Variants in AGGF1 observed in about 807,000 individuals in gnomAD.
AGGF1 encodes angiogenic factor with G patch and FHA domains 1.
Under a neutral mutation model 86.5 loss-of-function variants are expected in AGGF1, and 56 were observed. That is an observed-to-expected ratio of 0.65 (90% CI 0.52 to 0.81). The LOEUF (loss-of-function observed/expected upper bound fraction) is 0.81. Ranked by LOEUF, AGGF1 falls within the 30% of genes least tolerant of loss-of-function variation. The probability of loss-of-function intolerance (pLI) is 0.00; values close to 1 mark genes in which losing one functional copy is unlikely to be tolerated. For synonymous variants in AGGF1, 313 were observed against 297.1 expected, an observed-to-expected ratio of 1.05 and a Z score of -0.55; for missense variants, 816 against 850.9, an observed-to-expected ratio of 0.96 and a Z score of 0.51.
intron 5 of AGGF1, among the ~76,000 whole-genome samples, chr5:77,043,588 C>CA (rs1554046445): frequency 4.1e-4 from 2 of 4,876 alleles, no homozygotes; most frequent in East Asian, 1.7e-3. Flanking sequence ...GGGGGGCTGA[C>CA]CCCCCCCCCC....
rs1401988826 is a variant in AGGF1, at chr5:77,064,253, C to T, written c.*1001C>T. ...CTTTCTGGGCACAGGTGTCACTGCT[C>T]TGCCACCTATCACTATTCTTTTTCT... On this transcript the variant is annotated 3_prime_UTR_variant, in exon 14 of 14. Transcript: ENST00000312916. 1 of 152,482 alleles carries T rather than the reference C, an allele frequency of 6.6e-6. No individual in the cohort carries two copies. The highest frequency in any genetic ancestry group is 1.5e-5 in the Non-Finnish European group (1 of 68,046). The allele number at this position is 152,482 out of a possible 1,614,324, so 9.4% of individuals were successfully genotyped here. A position where few individuals can be genotyped will look rare whatever the true frequency, so the allele number is the denominator to read the frequency against.
chr5:77,054,746 T>C (rs1353445213), intron 10 of AGGF1, among the ~76,000 whole-genome samples: 1 of 152,164 alleles, frequency 6.6e-6, no homozygotes, highest in Non-Finnish European at 1.5e-5. Flanking sequence ...ATGACTTAAG[T>C]AATAATTTAA....
chr5:77,061,222 C>T, intron 12 of AGGF1, among the ~76,000 whole-genome samples: 1 of 152,182 alleles, frequency 6.6e-6, no homozygotes, highest in East Asian at 1.9e-4. Flanking sequence ...CTGTGCCCCA[C>T]CTAATCACTG....
intron 8 of AGGF1, among the ~76,000 whole-genome samples, chr5:77,049,548 C>CTTTTTT (rs759329284): frequency 7.7e-6 from 1 of 130,642 alleles, no homozygotes; most frequent in African/African-American, 2.8e-5. Flanking sequence ...TATATTTTTA[C>CTTTTTT]TTTTTTTTTT....
intron 11 of AGGF1, among the ~76,000 whole-genome samples, chr5:77,058,126 G>A (rs1747491065): frequency 6.6e-6 from 1 of 152,116 alleles, no homozygotes; most frequent in African/African-American, 2.4e-5. Context: ...CTTGCTTATG[G>A]TGATAGTTTC....
chr5:77,061,940 T>G, intron 13 of AGGF1, 138 bp downstream of exon 13: 1 of 778,134 alleles, frequency 1.3e-6, no homozygotes, highest in Non-Finnish European at 2.2e-6. Flanking sequence ...TTTGTGGCAT[T>G]CACAATTACC....
chr5:77,062,129 T>G (rs1043216435), intron 13 of AGGF1, among the ~76,000 whole-genome samples: 1 of 152,222 alleles, frequency 6.6e-6, no homozygotes, highest in Admixed American at 6.5e-5. Flanking sequence ...AGTGTTAGTT[T>G]ACAAACAGGT....
At position 77,055,550 on chromosome 5, in the gene AGGF1, A is replaced by G; in HGVS notation, c.1670A>G (p.Glu557Gly). 6.2e-7 allele frequency: 1 copy of G among 1,603,284 alleles called. No homozygotes were observed. Among genetic ancestry groups the G allele is most frequent in the Non-Finnish European group, 8.5e-7 (1 of 1,171,172 alleles). The change falls in exon 11 of 14, where the codon GAA becomes GGA. Residue 557 changes from glutamate (E) to glycine (G), a missense_variant. Around this residue, in one of 3 missense-constraint regions of AGGF1, gnomAD observed 565 missense variants for 585.8 expected, o/e 0.96. Transcript: ENST00000312916. ...CTAAGTAAGGAGGAAAAAGAGTTGG[A>G]AAGAAGAAAAGAATTAAAGAAAATA... ...PTLSKEEKEL[E>G]RRKELKKIRV...
rs973908288 is a variant in AGGF1, at chr5:77,032,374, T to C, written c.210+1398T>C. ...CGAGGTCAGAAGATCGAGACCATCC[T>C]GGCTAACACAGTAAAACCCTGTCTC... is the stretch of plus-strand genomic sequence containing the variant. On this transcript the variant is annotated intron_variant, in intron 1 of 13. Transcript: ENST00000312916. Among the ~76,000 whole-genome samples, 23 of 151,382 alleles carry C rather than the reference T, an allele frequency of 1.5e-4. 1 individual carries two copies. The highest frequency in any genetic ancestry group is 2.7e-4 in the Non-Finnish European group (18 of 67,918).
intron 1 of AGGF1, among the ~76,000 whole-genome samples, chr5:77,032,599 AG>A (rs1436396994): frequency 1.3e-5 from 2 of 149,492 alleles, no homozygotes; most frequent in Non-Finnish European, 3.0e-5. Flanking sequence ...GGGAGACGGG[AG>A]CAAAATATAA....
At chr5:77,034,556 T>TA in intron 2 of AGGF1, 36 bp downstream of exon 2, 1 of 1,317,622 alleles carries the variant, frequency 7.6e-7, no homozygotes, top group Non-Finnish European at 1.1e-6. Flanking sequence ...CTAACACTGT[T>TA]ACATTCAAAT....
intron 12 of AGGF1, among the ~76,000 whole-genome samples, chr5:77,060,293 A>T (rs1670637221): frequency 6.6e-6 from 1 of 152,238 alleles, no homozygotes; most frequent in Non-Finnish European, 1.5e-5. Flanking sequence ...TATGTATGTT[A>T]ACAGTCTAGC....
At chr5:77,056,390 C>T (rs993490673) in intron 11 of AGGF1, among the ~76,000 whole-genome samples, 4 of 151,590 alleles carry the variant, frequency 2.6e-5, no homozygotes, top group South Asian at 4.2e-4. Context: ...CACCACGCCC[C>T]GCTAATTTTT....
chr5:77,056,060 A>G (rs753279492), intron 11 of AGGF1, among the ~76,000 whole-genome samples: 1 of 152,158 alleles, frequency 6.6e-6, no homozygotes, highest in Non-Finnish European at 1.5e-5. Context: ...ATATGACCTG[A>G]TGTAAAGACT....
At chr5:77,044,349 A>AGGATTCT (rs1747205281) in intron 5 of AGGF1, among the ~76,000 whole-genome samples, 1 of 152,226 alleles carries the variant, frequency 6.6e-6, no homozygotes, top group Non-Finnish European at 1.5e-5. Flanking sequence ...GAATTTCCTG[A>AGGATTCT]GGATTCTAAA....
In AGGF1 at chr5:77,059,858, A is replaced by G. The variant is rs561344460; in HGVS notation, c.1844+115A>G. 3 of 1,379,964 alleles carry G rather than the reference A, an allele frequency of 2.2e-6. No homozygotes were observed. The African/African-American group carries it at 4.3e-5, about 20-fold the overall frequency. The allele number at this position is 1,379,964 out of a possible 1,614,324, so 85.5% of individuals were successfully genotyped here. On this transcript the variant is annotated intron_variant, in intron 12 of 13. Coordinates refer to ENST00000312916, the MANE Select transcript of AGGF1 (RefSeq NM_018046.5). ...AGGTGGCCTATTTATTTGTTTATTT[A>G]TGAGATGGAGTCTTGCTCCGTCGCC...
rs1291278273 is a variant in AGGF1, at chr5:77,063,436, G to A, written c.*184G>A. On this transcript the variant is annotated 3_prime_UTR_variant, in exon 14 of 14. Transcript: ENST00000312916. The stretch of plus-strand genomic sequence containing the variant: ...TTTTTAAAACTAATAAATAGTGACT[G>A]AACCAATTTATGCAGTAAATAGACT... The A allele has an allele frequency of 6.2e-6, 4 of 645,664 alleles. No individual in the cohort carries two copies. The highest frequency in any genetic ancestry group is 1.8e-5 in the African/African-American group (1 of 54,436). The allele number at this position is 645,664 out of a possible 1,614,324, so 40.0% of individuals were successfully genotyped here.
Position 77,052,268 on chromosome 5 carries a change from G to A in AGGF1, c.1366-438G>A, listed in dbSNP as rs112054327. Among the ~76,000 whole-genome samples, 1,277 of 152,134 alleles carry A rather than the reference G, an allele frequency of 8.4e-3. 15 individuals are homozygous for A. The highest frequency in any genetic ancestry group is 0.029 in the African/African-American group (1,217 of 41,502). ...CTCAGGAAGCTGAGGTGGGAGGATCGCTTGAGCCCAGGAGGTCAAGGCTGC... is the reference window on the plus strand; with the variant it reads ...CTCAGGAAGCTGAGGTGGGAGGATCACTTGAGCCCAGGAGGTCAAGGCTGC... On this transcript the variant is annotated intron_variant, in intron 8 of 13. Transcript: ENST00000312916.
At chr5:77,061,006 C>T (rs372699449) in intron 12 of AGGF1, among the ~76,000 whole-genome samples, 1 of 152,090 alleles carries the variant, frequency 6.6e-6, no homozygotes. Flanking sequence ...CTTAAATTAG[C>T]AGAGTATAGA....
Sources: gnomAD v4.1 joint callset for allele counts (sites outside exome capture counted in the v4.1 genomes callset) on GRCh38, gnomAD v4.1.1 for gene constraint, gnomAD v4.1.1 regional missense constraint, MANE v1.5 for transcripts, NCBI Gene and HGNC (gene_info 2026-07-23, HGNC 2026-07-21) for gene names.